Variants in PRKN observed in about 807,000 individuals in gnomAD.
The protein encoded by PRKN is parkin RBR E3 ubiquitin protein ligase.
Under a neutral mutation model 59.5 loss-of-function variants are expected in PRKN, and 56 were observed. The observed-to-expected ratio is 0.94, with a 90% CI of 0.76 to 1.18. The LOEUF (loss-of-function observed/expected upper bound fraction) is 1.18, where lower values mean the gene tolerates loss of function less well. Among genes scored for constraint, PRKN ranks in the 50% most tolerant of loss-of-function variants. The pLI, the probability that PRKN is intolerant of heterozygous loss-of-function variation, is 0.00. For synonymous variants in PRKN, 250 were observed against 222.1 expected (o/e 1.13, Z -1.12); for missense variants, 657 against 596.4 (o/e 1.10, Z -1.06).
At chr6:162,494,582 G>T (rs1055909341) in intron 1 of PRKN, among the ~76,000 whole-genome samples, 5 of 152,094 alleles carry the variant, frequency 3.3e-5, no homozygotes, top group African/African-American at 1.2e-4. Context: ...CTATAACAAA[G>T]CTGCTTGTAT....
chr6:162,524,113 C>A (rs187349024), intron 1 of PRKN, among the ~76,000 whole-genome samples: 1 of 152,058 alleles, frequency 6.6e-6, no homozygotes, highest in Non-Finnish European at 1.5e-5. Flanking sequence ...AAATGAAAAA[C>A]AAATATGCTT....
At chr6:162,440,488 T>C (rs148493844) in intron 2 of PRKN, among the ~76,000 whole-genome samples, 4 of 152,326 alleles carry the variant, frequency 2.6e-5, no homozygotes, top group East Asian at 3.9e-4. Context: ...GGGGTGACCA[T>C]TGCCTCAGTT....
At chr6:161,971,592 G>A (rs150665307) in intron 6 of PRKN, among the ~76,000 whole-genome samples, 2 of 152,318 alleles carry the variant, frequency 1.3e-5, no homozygotes, top group Non-Finnish European at 2.9e-5. Context: ...AAGAGAGGCT[G>A]AAGCGCTATA....
At chr6:162,624,723 G>A (rs1253416215) in intron 1 of PRKN, 11 of 151,722 alleles carry the variant, frequency 7.3e-5, no homozygotes, top group Non-Finnish European at 1.5e-4. Context: ...GTTTTTTGTA[G>A]AGACAGGGTC....
At chr6:162,075,581 T>C (rs1299094997) in intron 4 of PRKN, among the ~76,000 whole-genome samples, 1 of 151,990 alleles carries the variant, frequency 6.6e-6, no homozygotes, top group Non-Finnish European at 1.5e-5. Flanking sequence ...CCCGTGAATA[T>C]GTATCATCAA....
intron 9 of PRKN, among the ~76,000 whole-genome samples, chr6:161,439,275 A>C (rs1789076515): frequency 6.6e-6 from 1 of 152,190 alleles, no homozygotes; most frequent in South Asian, 2.1e-4. Flanking sequence ...GCCTCCCTCC[A>C]AAAACATGGA....
rs368314176 is a variant in PRKN, at chr6:162,727,706, G to A, written c.-38C>T. ...GGTGGCGGCTGCGGGCCAGGAACAG[G>A]CCCATGCGCGCAGCGGCGCCAGCCG... On this transcript the variant is annotated 5_prime_UTR_variant, in exon 1 of 12. Coordinates refer to ENST00000366898, the MANE Select transcript of PRKN (RefSeq NM_004562.3). The A allele has an allele frequency of 1.4e-5, 22 of 1,558,390 alleles. No homozygotes were observed. Among genetic ancestry groups the A allele is most frequent in the African/African-American group, 9.6e-5 (7 of 73,188 alleles).
intron 2 of PRKN, among the ~76,000 whole-genome samples, chr6:162,333,494 T>C (rs1362643895): frequency 6.6e-6 from 1 of 152,188 alleles, no homozygotes; most frequent in Non-Finnish European, 1.5e-5. Flanking sequence ...ATATCTGTTA[T>C]TGTGATGTAT....
rs1364798658 is a variant in PRKN, at chr6:161,578,130, G to A, written c.872-8714C>T. ...GCCAAGTGAGCAGAGAGCAACCAAAGAGGTATAAAAAAAGAAAAAGAGGAG... is the reference window on the plus strand; with the variant it reads ...GCCAAGTGAGCAGAGAGCAACCAAAAAGGTATAAAAAAAGAAAAAGAGGAG... On this transcript the variant is annotated intron_variant, in intron 7 of 11. Transcript: ENST00000366898. This position sits in a 1 kb window ranked among gnomAD's most constrained non-coding sequence, Gnocchi z 4.2. 1.1e-4 allele frequency among the ~76,000 whole-genome samples: 16 copies of A among 152,054 alleles called. No homozygotes were observed. Among genetic ancestry groups the A allele is most frequent in the Non-Finnish European group, 2.9e-5 (2 of 68,018 alleles).
chr6:161,786,024 G>C (rs1190775090), intron 6 of PRKN, 116 bp from the exon 7 acceptor site: 1 of 1,013,326 alleles, frequency 9.9e-7, no homozygotes, highest in Non-Finnish European at 1.5e-6. Context: ...TCTGTGCAAA[G>C]ACCGGAGCTG....
intron 7 of PRKN, among the ~76,000 whole-genome samples, chr6:161,713,783 T>C (rs1786852007): frequency 6.6e-6 from 1 of 152,142 alleles, no homozygotes; most frequent in Non-Finnish European, 1.5e-5. Context: ...TCATCTTGAA[T>C]TGTAGCTCCA....
intron 2 of PRKN, among the ~76,000 whole-genome samples, chr6:162,390,158 C>T (rs769488160): frequency 1.6e-4 from 24 of 151,916 alleles, no homozygotes; most frequent in Non-Finnish European, 3.1e-4. Flanking sequence ...TCCTACATAA[C>T]GTGGGAAAGA....
intron 1 of PRKN, among the ~76,000 whole-genome samples, chr6:162,451,953 T>C (rs1790648249): frequency 6.6e-6 from 1 of 152,126 alleles, no homozygotes; most frequent in Non-Finnish European, 1.5e-5. Flanking sequence ...AGTCAAACTA[T>C]GGAAAGCCAA....
At chr6:161,890,449 G>A (rs553178178) in intron 6 of PRKN, among the ~76,000 whole-genome samples, 1 of 152,278 alleles carries the variant, frequency 6.6e-6, no homozygotes, top group East Asian at 1.9e-4. Context: ...CAACGGAGAC[G>A]AGAGCAAAAG....
chr6:162,000,754 T>G (rs967675375), intron 5 of PRKN, among the ~76,000 whole-genome samples: 1 of 152,058 alleles, frequency 6.6e-6, no homozygotes, highest in Non-Finnish European at 1.5e-5. Flanking sequence ...TTTTTTCCAG[T>G]GTTACTTTCT....
chr6:162,344,477 G>T (rs532546286), intron 2 of PRKN, among the ~76,000 whole-genome samples: 3 of 151,938 alleles, frequency 2.0e-5, no homozygotes, highest in African/African-American at 7.3e-5. Flanking sequence ...TAGCTGAAAT[G>T]ATGCCAAGGG....
intron 4 of PRKN, among the ~76,000 whole-genome samples, chr6:162,090,310 T>C (rs1332607478): frequency 6.6e-6 from 1 of 152,370 alleles, no homozygotes; most frequent in African/African-American, 2.4e-5. Context: ...AAGTAACATA[T>C]AGTTGGCCAG....
At position 162,164,653 on chromosome 6, in the gene PRKN, A is replaced by C. The variant is rs973039269; in HGVS notation, c.534+36478T>G. ...TTTGGAATCCAGTAATTGTATTTAT[A>C]TTGAAATATTTATTATAATGAAGTA... On this transcript the variant is annotated intron_variant, in intron 4 of 11. Transcript: ENST00000366898. Among the ~76,000 whole-genome samples, 6 of 149,096 alleles carry C rather than the reference A, an allele frequency of 4.0e-5. 1 individual carries two copies. Among genetic ancestry groups the C allele is most frequent in the Non-Finnish European group, 4.4e-5 (3 of 67,420 alleles).
chr6:162,461,072 A>G (rs1274749999), intron 1 of PRKN, among the ~76,000 whole-genome samples: 3 of 152,170 alleles, frequency 2.0e-5, no homozygotes, highest in Admixed American at 6.5e-5. Context: ...GCACAGTGCT[A>G]GAAAGTGATA....
Sources: gnomAD v4.1 joint callset for allele counts (sites outside exome capture counted in the v4.1 genomes callset) on GRCh38, gnomAD v4.1.1 for gene constraint, Gnocchi (gnomAD v3.1) non-coding constraint, MANE v1.5 for transcripts, NCBI Gene and HGNC (gene_info 2026-07-23, HGNC 2026-07-21) for gene names.